The following PKIG variants were observed in gnomAD, a reference collection of about 807,000 sequenced individuals.
PKIG encodes protein kinase (cAMP-dependent, catalytic) inhibitor gamma.
Under a neutral mutation model 6.8 loss-of-function variants are expected in PKIG, and 1 was observed. That is an observed-to-expected ratio of 0.15 (90% CI 0.05 to 0.69). PKIG has a LOEUF of 0.69. PKIG is among the 30% of genes least tolerant of loss of function. The pLI is 0.82. For missense variants in PKIG, 77 were observed against 104.0 expected (o/e 0.74, Z 1.13); for synonymous variants, 39 against 43.0 (o/e 0.91, Z 0.36).
intron 2 of PKIG, among the ~76,000 whole-genome samples, chr20:44,591,856 T>C (rs905960741): frequency 6.6e-6 from 1 of 152,196 alleles, no homozygotes; most frequent in African/African-American, 2.4e-5. Flanking sequence ...TTTGTTGAAA[T>C]CCTCAAGCGC....
At chr20:44,612,387 TGGGCCCATG>T (rs2123471558) in intron 2 of PKIG, among the ~76,000 whole-genome samples, 1 of 149,892 alleles carries the variant, frequency 6.7e-6, no homozygotes, top group African/African-American at 2.4e-5. Context: ...ATTTGCTGGG[TGGGCCCATG>T]GGCCCACCCC....
chr20:44,592,558 T>A (rs1274672329), intron 2 of PKIG, among the ~76,000 whole-genome samples: 1 of 152,156 alleles, frequency 6.6e-6, no homozygotes. Flanking sequence ...CCTGCTCATC[T>A]CCCAGGCTGC....
intron 2 of PKIG, among the ~76,000 whole-genome samples, chr20:44,597,339 A>C (rs1187042989): frequency 1.3e-5 from 2 of 149,526 alleles, no homozygotes; most frequent in African/African-American, 5.0e-5. Context: ...TTGCCCCCCT[A>C]CTACCACTGG....
intron 1 of PKIG, among the ~76,000 whole-genome samples, chr20:44,546,778 C>T (rs2064618782): frequency 5.1e-5 from 1 of 19,462 alleles, no homozygotes; most frequent in Non-Finnish European, 9.0e-5. Context: ...GTCTCGAGCT[C>T]CTGACCTCAG....
At chr20:44,613,462 G>GTACC (rs1263604309) in intron 2 of PKIG, among the ~76,000 whole-genome samples, 1 of 152,100 alleles carries the variant, frequency 6.6e-6, no homozygotes, top group Non-Finnish European at 1.5e-5. Context: ...CTAGTTCCAT[G>GTACC]TACCTAGCCT....
At position 44,535,342 on chromosome 20, in the gene PKIG, T is replaced by G. The variant is rs895930336; in HGVS notation, c.-241+3364T>G. Among the ~76,000 whole-genome samples, 6 of 152,242 alleles carry G rather than the reference T, an allele frequency of 3.9e-5. No homozygotes were observed. The East Asian group carries it at 1.2e-3, about 29-fold the overall frequency. ...CATGAGATATTGACTATCATGTTTTTATAAAATTGAAAAATTGGCCTGGCA... is the reference window on the plus strand; with the variant it reads ...CATGAGATATTGACTATCATGTTTTGATAAAATTGAAAAATTGGCCTGGCA... On this transcript the variant is annotated intron_variant, in intron 1 of 4. Transcript: ENST00000372887.
chr20:44,566,666 C>T (rs1451147153), intron 1 of PKIG, among the ~76,000 whole-genome samples: 1 of 151,972 alleles, frequency 6.6e-6, no homozygotes, highest in Non-Finnish European at 1.5e-5. Flanking sequence ...GCCAACATGG[C>T]GAAATCCCGT....
chr20:44,565,458 C>A (rs941990932), intron 1 of PKIG, among the ~76,000 whole-genome samples: 1 of 152,192 alleles, frequency 6.6e-6, no homozygotes, highest in Non-Finnish European at 1.5e-5. Context: ...GAAAGTGAAG[C>A]AATCACAGAC....
intron 2 of PKIG, among the ~76,000 whole-genome samples, chr20:44,602,709 T>C (rs2065131774): frequency 6.6e-6 from 1 of 151,352 alleles, no homozygotes; most frequent in South Asian, 2.1e-4. Flanking sequence ...GGTATGTTGG[T>C]TCATGCCTGT....
chr20:44,605,588 C>G (rs1371514637), intron 2 of PKIG, among the ~76,000 whole-genome samples: 1 of 151,612 alleles, frequency 6.6e-6, no homozygotes, highest in East Asian at 1.9e-4. Context: ...AATTCTAGAT[C>G]AAAGATTTAA....
intron 1 of PKIG, among the ~76,000 whole-genome samples, chr20:44,589,042 A>T (rs2065013307): frequency 6.6e-6 from 1 of 152,234 alleles, no homozygotes; most frequent in Non-Finnish European, 1.5e-5. Context: ...GAAGTTTCCC[A>T]GGGGGAACCA....
intron 1 of PKIG, among the ~76,000 whole-genome samples, chr20:44,539,126 A>G (rs1272026924): frequency 6.6e-6 from 1 of 152,064 alleles, no homozygotes; most frequent in Non-Finnish European, 1.5e-5. Flanking sequence ...ACAGGGTTTC[A>G]CTATTTTGGC....
At chr20:44,610,510 A>T (rs1217091852) in intron 2 of PKIG, among the ~76,000 whole-genome samples, 15 of 151,268 alleles carry the variant, frequency 9.9e-5, no homozygotes, top group African/African-American at 3.4e-4. Flanking sequence ...TCACACACAC[A>T]CACACACACA....
At chr20:44,542,369 A>G (rs956220538) in intron 1 of PKIG, among the ~76,000 whole-genome samples, 4 of 152,092 alleles carry the variant, frequency 2.6e-5, no homozygotes, top group Non-Finnish European at 5.9e-5. Context: ...GATTTTGCAA[A>G]CCTACCTACT....
chr20:44,562,248 T>C (rs1375239384), intron 1 of PKIG, among the ~76,000 whole-genome samples: 1 of 151,958 alleles, frequency 6.6e-6, no homozygotes, highest in Non-Finnish European at 1.5e-5. Flanking sequence ...TTAATAAAAA[T>C]GATAATACTC....
chr20:44,534,936 A>G (rs2064499337), intron 1 of PKIG, among the ~76,000 whole-genome samples: 1 of 152,116 alleles, frequency 6.6e-6, no homozygotes, highest in South Asian at 2.1e-4. Context: ...ACTCTTAACC[A>G]CTACCTGGAT....
chr20:44,534,772 T>C (rs2064497964), intron 1 of PKIG, among the ~76,000 whole-genome samples: 1 of 152,128 alleles, frequency 6.6e-6, no homozygotes, highest in Non-Finnish European at 1.5e-5. Flanking sequence ...CCCGGCCTCA[T>C]GCACCGTTCT....
chr20:44,559,340 G>A (rs1235268462), intron 1 of PKIG, among the ~76,000 whole-genome samples: 2 of 152,138 alleles, frequency 1.3e-5, no homozygotes, highest in African/African-American at 2.4e-5. Context: ...TACTGCTATT[G>A]TTCACATAGA....
chr20:44,565,981 C>T (rs1349979705), intron 1 of PKIG, among the ~76,000 whole-genome samples: 2 of 152,174 alleles, frequency 1.3e-5, no homozygotes, highest in Non-Finnish European at 2.9e-5. Context: ...AGGCTGGTCT[C>T]GAACTCCTGA....
Sources: gnomAD v4.1 joint callset for allele counts (sites outside exome capture counted in the v4.1 genomes callset) on GRCh38, gnomAD v4.1.1 for gene constraint, MANE v1.5 for transcripts, NCBI Gene and HGNC (gene_info 2026-07-23, HGNC 2026-07-21) for gene names.